The following FLG variants were observed in gnomAD, a reference collection of about 807,000 sequenced individuals.
FLG encodes the protein epidermal filaggrin.
In FLG, 6 loss-of-function variants were observed where a neutral mutation model predicts 3.8. The observed-to-expected ratio is 1.60, with a 90% CI of 0.87 to 3.15. FLG has a LOEUF of 3.15. FLG is among the 30% of genes most tolerant of loss of function. The pLI is 0.00. For synonymous variants in FLG, 2,551 were observed against 1,931.6 expected (o/e 1.32, Z -8.41); for missense variants, 7,595 against 5,050.9 (o/e 1.50, Z -15.27).
chr1:152,318,984 C>T (rs1652873565), intron 1 of FLG, among the ~76,000 whole-genome samples: 1 of 151,620 alleles, frequency 6.6e-6, no homozygotes, highest in Non-Finnish European at 1.5e-5. Flanking sequence ...AAGGAAGTAG[C>T]CTTGTTAATT....
chr1:152,314,457 G>T lies in FLG; in HGVS notation c.429C>A (p.Ser143Arg). The stretch of plus-strand genomic sequence containing the variant: ...GCCTTTTCCCCCCTGTTTCTCTTGG[G>T]CTCTTGGATCTTCCCTTATTCCCTT... ...NRKGNKGRSKSPRETGGKRHE... is the reference protein window; with the variant it reads ...NRKGNKGRSKRPRETGGKRHE... Residue 143 changes from serine to arginine, a missense_variant, in exon 3 of 3, where the codon AGC (serine) becomes AGA (arginine). By Grantham distance (110) the Ser-to-Arg change is moderately radical. Transcript: ENST00000368799. The T allele has an allele frequency of 6.2e-7, 1 of 1,612,378 alleles. No individual in the cohort carries two copies. Among genetic ancestry groups the T allele is most frequent in the Non-Finnish European group, 8.5e-7 (1 of 1,179,522 alleles).
rs1307949605 is a variant in FLG at position 152,303,296 on chromosome 1, T to G, written c.11590A>C (p.Ser3864Arg). The G allele has an allele frequency of 6.2e-7, 1 of 1,614,106 alleles. No homozygotes were observed. The highest frequency in any genetic ancestry group is 1.7e-5 in the Admixed American group (1 of 60,036). Residue 3864 changes from serine to arginine, a missense_variant, in exon 3 of 3, where the codon AGC (serine) becomes CGC (arginine). By Grantham distance (110) the Ser-to-Arg change is moderately radical. Coordinates refer to ENST00000368799, the MANE Select transcript of FLG (RefSeq NM_002016.2). ...RRSRRQGSSV[S>R]QDSDSEAYPE... The stretch of plus-strand genomic sequence containing the variant: ...TATGCCTCACTGTCACTGTCCTGGC[T>G]AACACTGGATCCCTGGCGCCTGCTT...
Position 152,312,868 on chromosome 1 carries a change from G to C in FLG, c.2018C>G (p.Ser673Cys), listed in dbSNP as rs760609435. 4.1e-5 allele frequency: 66 copies of C among 1,613,980 alleles called. 1 individual carries two copies. In the Middle Eastern group the frequency reaches 8.2e-4, roughly 20 times the overall value. The change falls in exon 3 of 3, where the codon TCT becomes TGT. Residue 673 changes from serine to cysteine, a missense_variant. Physicochemically the swap from Ser to Cys is moderately radical, Grantham distance 112. Coordinates refer to ENST00000368799, the MANE Select transcript of FLG (RefSeq NM_002016.2). Reference protein sequence around the residue: ...HHEDRAGHGHSADSSRKSGTR... With the variant: ...HHEDRAGHGHCADSSRKSGTR... ...GCCTGATTTTCTGGAGCTGTCTGCA[G>C]AGTGCCCATGACCAGCTCTGTCTTC...
rs767409042 is a variant in FLG, at chr1:152,302,916, C to T, written c.11970G>A (p.Gly3990=). ...GSADYDYGES[G]FRHSQHGSVS... ...CACTTCCGTGCTGAGAGTGTCTAAA[C>T]CCGGATTCACCATAATCATAATCTG... The change falls in exon 3 of 3, where the codon GGG becomes GGA. Residue 3990 remains glycine, a synonymous_variant. Transcript: ENST00000368799. 2 of 1,614,152 alleles carry T rather than the reference C, an allele frequency of 1.2e-6. No individual in the cohort carries two copies. Among genetic ancestry groups the T allele is most frequent in the African/African-American group, 2.7e-5 (2 of 75,030 alleles).
Position 152,308,915 on chromosome 1 carries a change from C to G in FLG, c.5971G>C (p.Ala1991Pro), listed in dbSNP as rs768726377. ...HTESSSRGQA[A>P]SSHEQARSSA... ...GATCTTGCCTGTTCATGGGATGACG[C>G]AGCCTGTCCACGAGAGGAAGACTCT... is the stretch of plus-strand genomic sequence containing the variant. Residue 1991 changes from alanine (A) to proline (P), a missense_variant, in exon 3 of 3, where the codon GCG becomes CCG. Coordinates refer to ENST00000368799, the MANE Select transcript of FLG (RefSeq NM_002016.2). The G allele has an allele frequency of 2.5e-6, 4 of 1,614,162 alleles. No individual in the cohort carries two copies. Among genetic ancestry groups the G allele is most frequent in the East Asian group, 2.2e-5 (1 of 44,880 alleles).
chr1:152,319,088 A>G (rs1303193761), intron 1 of FLG, among the ~76,000 whole-genome samples: 2 of 151,672 alleles, frequency 1.3e-5, no homozygotes, highest in African/African-American at 4.8e-5. Context: ...TCAGTTAGAA[A>G]ATTGTGGACA....
At chr1:152,324,665 T>C (rs1476446282) in intron 1 of FLG, among the ~76,000 whole-genome samples, 3 of 151,898 alleles carry the variant, frequency 2.0e-5, no homozygotes, top group African/African-American at 7.2e-5. Flanking sequence ...TACGAGTTTT[T>C]TTTTAAGCTT....
Position 152,307,060 on chromosome 1 carries a change from T to C in FLG, c.7826A>G (p.His2609Arg), listed in dbSNP as rs1356662306. The change falls in exon 3 of 3, where the codon CAT becomes CGT. Residue 2609 changes from histidine to arginine, a missense_variant. Transcript: ENST00000368799. Reference protein sequence around the residue: ...LRDGSRHPRSHQEDRAGHGHS... With the variant: ...LRDGSRHPRSRQEDRAGHGHS... ...CCCATGACCAGCTCTGTCTTCTTGATGGGACCTGGGGTGTCTGGAGCCATC... is the reference window on the plus strand; with the variant it reads ...CCCATGACCAGCTCTGTCTTCTTGACGGGACCTGGGGTGTCTGGAGCCATC... The C allele has an allele frequency of 1.9e-6, 3 of 1,608,506 alleles. No homozygotes were observed. Among genetic ancestry groups the C allele is most frequent in the Non-Finnish European group, 2.5e-6 (3 of 1,179,266 alleles).
At position 152,313,468 on chromosome 1, in the gene FLG, C is replaced by T; in HGVS notation, c.1418G>A (p.Ser473Asn). 6.2e-6 allele frequency: 10 copies of T among 1,613,884 alleles called. No homozygotes were observed. In the South Asian group the frequency reaches 1.1e-4, roughly 18 times the overall value. ...GRSGSSLYQV[S>N]THEQPDSAHG... ...GGCAGAGTCAGGCTGTTCATGAGTG[C>T]TCACCTGGTAGAGGGAAGACCCTGA... Residue 473 changes from serine (S) to asparagine (N), a missense_variant, in exon 3 of 3, where the codon AGC (serine) becomes AAC (asparagine). Ser to Asn is a conservative substitution (Grantham distance 46). Coordinates refer to ENST00000368799, the MANE Select transcript of FLG (RefSeq NM_002016.2).
Position 152,308,761 on chromosome 1 carries a change from C to A in FLG, c.6125G>T (p.Ser2042Ile). The A allele has an allele frequency of 6.2e-6, 10 of 1,614,184 alleles. No individual in the cohort carries two copies. The highest frequency in any genetic ancestry group is 8.5e-6 in the Non-Finnish European group (10 of 1,180,016). ...ATGTCCCTCACTGTCACTGGCCTGA[C>A]TACCACTGTACCCTCGGTGTCCACT... ...RDSGHRGYSG[S>I]QASDSEGHSE... is the part of the protein sequence containing the mutation. Residue 2042 changes from serine to isoleucine, a missense_variant, in exon 3 of 3, where the codon AGT becomes ATT. By Grantham distance (142) the Ser-to-Ile change is moderately radical. Coordinates refer to ENST00000368799, the MANE Select transcript of FLG (RefSeq NM_002016.2).
chr1:152,321,095 C>A (rs1224962610), intron 1 of FLG, among the ~76,000 whole-genome samples: 3 of 150,642 alleles, frequency 2.0e-5, no homozygotes, highest in Non-Finnish European at 3.0e-5. Context: ...TATACACTCA[C>A]ATATATATGT....
rs189279130 is a variant in FLG, at chr1:152,310,604, G to C, written c.4282C>G (p.Arg1428Gly). ...CCAGAGCTTTCCCCTGACTGGCCAC[G>C]TGCGGACTCTTTGTGGCTCTGCTGA... ...PHQQSHKESA[R>G]GQSGESSGRS... Residue 1428 changes from arginine to glycine, a missense_variant, in exon 3 of 3, where the codon CGT (arginine) becomes GGT (glycine). Arg to Gly is a moderately radical substitution (Grantham distance 125). Transcript: ENST00000368799. The C allele has an allele frequency of 6.2e-7, 1 of 1,613,948 alleles. No individual in the cohort carries two copies. The highest frequency in any genetic ancestry group is 1.1e-5 in the South Asian group (1 of 91,066).
At position 152,312,951 on chromosome 1, in the gene FLG, A is replaced by G; in HGVS notation, c.1935T>C (p.His645=). 1.2e-6 allele frequency: 2 copies of G among 1,613,902 alleles called. No homozygotes were observed. The highest frequency in any genetic ancestry group is 1.7e-5 in the Admixed American group (1 of 60,004). ...ERWSGSASRN[H]HGSAQEQSRD... ...TTGACTGCTCCTGAGCAGATCCATG[A>G]TGGTTTCTGGAAGCAGACCCAGACC... is the stretch of plus-strand genomic sequence containing the variant. Residue 645 remains histidine (H), a synonymous_variant, in exon 3 of 3, where the codon CAT becomes CAC. Coordinates refer to ENST00000368799, the MANE Select transcript of FLG (RefSeq NM_002016.2).
chr1:152,307,462 C>G lies in FLG; in HGVS notation c.7424G>C (p.Gly2475Ala), dbSNP rs754539573. 3 of 1,613,310 alleles carry G rather than the reference C, an allele frequency of 1.9e-6. No individual in the cohort carries two copies. The highest frequency in any genetic ancestry group is 2.5e-6 in the Non-Finnish European group (3 of 1,179,732). ...HPGSSSGGRQ[G>A]SHYEQLVDRS... ...ATCTACCAATTGCTCGTAGTGGGAT[C>G]CCTGCCTTCCTCCACTGCTTGACCC... The change falls in exon 3 of 3, where the codon GGA becomes GCA. Residue 2475 changes from glycine (G) to alanine (A), a missense_variant. Gly to Ala is a moderately conservative substitution (Grantham distance 60). Coordinates refer to ENST00000368799, the MANE Select transcript of FLG (RefSeq NM_002016.2).
Position 152,304,192 on chromosome 1 carries a change from C to T in FLG, c.10694G>A (p.Gly3565Glu). ...WSGSASRNHR[G>E]SAQEQSRDGS... ...ATCTCTTGACTGCTCCTGAGCAGAT[C>T]CACGATGGTTTCTGGAAGCAGACCC... is the stretch of plus-strand genomic sequence containing the variant. The change falls in exon 3 of 3, where the codon GGA (glycine) becomes GAA (glutamate). Residue 3565 changes from glycine to glutamate, a missense_variant. By Grantham distance (98) the Gly-to-Glu change is moderately conservative. Coordinates refer to ENST00000368799, the MANE Select transcript of FLG (RefSeq NM_002016.2). 2 of 1,610,146 alleles carry T rather than the reference C, an allele frequency of 1.2e-6. No individual in the cohort carries two copies. Among genetic ancestry groups the T allele is most frequent in the Non-Finnish European group, 1.7e-6 (2 of 1,179,418 alleles).
In FLG at chr1:152,307,940, C is replaced by G. The variant is rs1462978672; in HGVS notation, c.6946G>C (p.Ala2316Pro). ...GATCTTGCCTGTTCATGGGATGATG[C>G]AGCCTGTCCACCAGAGGAATTCTCT... ...HAENSSGGQA[A>P]SSHEQARSSA... Residue 2316 changes from alanine to proline, a missense_variant, in exon 3 of 3, where the codon GCA becomes CCA. Physicochemically the swap from Ala to Pro is conservative, Grantham distance 27. Coordinates refer to ENST00000368799, the MANE Select transcript of FLG (RefSeq NM_002016.2). 4 of 1,613,980 alleles carry G rather than the reference C, an allele frequency of 2.5e-6. No individual in the cohort carries two copies. In the African/African-American group the frequency reaches 5.3e-5, roughly 22 times the overall value.
At position 152,302,795 on chromosome 1, in the gene FLG, A is replaced by T. The variant is rs1179866935; in HGVS notation, c.12091T>A (p.Tyr4031Asn). The change falls in exon 3 of 3, where the codon TAT becomes AAT. Residue 4031 changes from tyrosine to asparagine, a missense_variant. By Grantham distance (143) the Tyr-to-Asn change is moderately radical (BLOSUM62 -2). Transcript: ENST00000368799. ...GKDHPRYYAT[Y>N]INKDPGLCGH... ...CATAAACCTGGGTCCTTATTAATATACGTTGCATAATACCTTGGATGATCT... is the reference window on the plus strand; with the variant it reads ...CATAAACCTGGGTCCTTATTAATATTCGTTGCATAATACCTTGGATGATCT... 6.2e-7 allele frequency: 1 copy of T among 1,614,212 alleles called. No individual in the cohort carries two copies.
At position 152,312,576 on chromosome 1, in the gene FLG, G is replaced by A. The variant is rs1240175712; in HGVS notation, c.2310C>T (p.His770=). The stretch of plus-strand genomic sequence containing the variant: ...CGGACTCTTGGTGGCTCTGCTGATG[G>A]TGACCAGCCTGTCCATGGCCTGACA... ...QSVSGHGQAG[H]HQQSHQESAR... The change falls in exon 3 of 3, where the codon CAC becomes CAT. Residue 770 remains histidine, a synonymous_variant. Transcript: ENST00000368799. 4.3e-6 allele frequency: 7 copies of A among 1,613,624 alleles called. No homozygotes were observed. Among genetic ancestry groups the A allele is most frequent in the Non-Finnish European group, 5.9e-6 (7 of 1,179,924 alleles).
In FLG at chr1:152,312,366, G is replaced by A; in HGVS notation, c.2520C>T (p.Thr840=). The change falls in exon 3 of 3, where the codon ACC becomes ACT. Residue 840 remains threonine, a synonymous_variant. Transcript: ENST00000368799. ...TGCTTGACCCCGGGTGTCCACGAAT[G>A]GTGTCCTGACCATCTTGGGATGCTG... The part of the protein sequence containing the change: ...RHSASQDGQD[T]IRGHPGSSRR... 3.7e-6 allele frequency: 6 copies of A among 1,612,394 alleles called. No individual in the cohort carries two copies. The highest frequency in any genetic ancestry group is 5.1e-6 in the Non-Finnish European group (6 of 1,179,560).
Sources: allele counts gnomAD v4.1 joint callset (sites outside exome capture counted in the v4.1 genomes callset), GRCh38; gene constraint gnomAD v4.1.1; transcripts MANE v1.5; gene names NCBI Gene and HGNC (gene_info 2026-07-23, HGNC 2026-07-21).